Variants in WWTR1 observed in about 807,000 individuals in gnomAD.
The protein encoded by WWTR1 is WW domain containing transcription regulator 1.
A neutral mutation model predicts 40.1 loss-of-function variants in WWTR1; 13 were observed. That is an observed-to-expected ratio of 0.32 (90% CI 0.21 to 0.52). WWTR1 has a LOEUF of 0.52. WWTR1 is among the 20% of genes least tolerant of loss of function. The probability of loss-of-function intolerance (pLI) is 0.97; values close to 1 mark genes in which losing one functional copy is unlikely to be tolerated. For missense variants in WWTR1, 436 were observed against 523.1 expected, an observed-to-expected ratio of 0.83 and a Z score of 1.63; for synonymous variants, 230 against 210.1, an observed-to-expected ratio of 1.09 and a Z score of -0.82.
rs758347132 is a variant in WWTR1 at position 149,526,043 on chromosome 3, A to G, written c.988T>C (p.Phe330Leu). 1.2e-5 allele frequency: 19 copies of G among 1,606,686 alleles called. 1 individual carries two copies. The South Asian group carries it at 2.1e-4, about 18-fold the overall frequency. ...CYSVPTTPED[F>L]LSNVDEMDTG... The stretch of plus-strand genomic sequence containing the variant: ...TCCATCTCATCCACATTGCTGAGGA[A>G]GTCCTCCGGAGTTGTGGGGACACTG... Residue 330 changes from phenylalanine (F) to leucine (L), a missense_variant, in exon 6 of 7, where the codon TTC becomes CTC. By Grantham distance (22) the Phe-to-Leu change is conservative. Transcript: ENST00000360632.
intron 1 of WWTR1, among the ~76,000 whole-genome samples, chr3:149,688,496 G>C (rs541965392): frequency 2.0e-4 from 30 of 152,254 alleles, no homozygotes; most frequent in Non-Finnish European, 3.5e-4. Flanking sequence ...GTAATCCAGG[G>C]AATCCTCCCA....
chr3:149,562,489 A>G (rs973689371), intron 3 of WWTR1, among the ~76,000 whole-genome samples: 1 of 152,038 alleles, frequency 6.6e-6, no homozygotes, highest in Non-Finnish European at 1.5e-5. Flanking sequence ...GCCAATCAGC[A>G]TTTTCTACAG....
chr3:149,549,922 A>G (rs1736539893), intron 3 of WWTR1, among the ~76,000 whole-genome samples: 1 of 152,084 alleles, frequency 6.6e-6, no homozygotes, highest in Admixed American at 6.6e-5. Flanking sequence ...ACAGAAAAAG[A>G]TATTAGATAA....
intron 4 of WWTR1, among the ~76,000 whole-genome samples, chr3:149,542,016 A>G (rs1736127395): frequency 6.6e-6 from 1 of 152,188 alleles, no homozygotes; most frequent in Non-Finnish European, 1.5e-5. Flanking sequence ...AAGCAACTAC[A>G]TTTTGGGATA....
chr3:149,546,397 C>G (rs1380404109), intron 3 of WWTR1, among the ~76,000 whole-genome samples: 1 of 152,172 alleles, frequency 6.6e-6, no homozygotes, highest in African/African-American at 2.4e-5. Flanking sequence ...TAGAGAAATT[C>G]TGTATGATGA....
intron 2 of WWTR1, among the ~76,000 whole-genome samples, chr3:149,623,972 A>T (rs1367403611): frequency 6.6e-6 from 1 of 152,110 alleles, no homozygotes; most frequent in Non-Finnish European, 1.5e-5. Context: ...CCTATCTCCC[A>T]TGTGGCTTGC....
At chr3:149,684,042 C>T (rs533007525) in intron 1 of WWTR1, among the ~76,000 whole-genome samples, 35 of 152,216 alleles carry the variant, frequency 2.3e-4, no homozygotes, top group African/African-American at 8.4e-4. Flanking sequence ...ACATCCATCA[C>T]TAAGGAATTG....
intron 2 of WWTR1, among the ~76,000 whole-genome samples, chr3:149,635,524 GGAGAAGGAGAAGGAGAAA>G (rs1277764225): frequency 1.3e-5 from 2 of 151,224 alleles, no homozygotes; most frequent in African/African-American, 2.4e-5. Flanking sequence ...AGGAGGAGAA[GGAGAAGGAGAAGGAGAAA>G]GAGAAGGAGA....
At chr3:149,604,278 C>T (rs1484830099) in intron 2 of WWTR1, among the ~76,000 whole-genome samples, 2 of 152,140 alleles carry the variant, frequency 1.3e-5, no homozygotes, top group Admixed American at 6.5e-5. Flanking sequence ...TTCCCTGTGA[C>T]AGGGCCACCC....
At chr3:149,565,516 A>T (rs1403688613) in intron 3 of WWTR1, among the ~76,000 whole-genome samples, 2 of 152,164 alleles carry the variant, frequency 1.3e-5, no homozygotes, top group African/African-American at 4.8e-5. Flanking sequence ...ATATGCTATT[A>T]TGTCCTGCTT....
At chr3:149,564,107 T>C (rs780572495) in intron 3 of WWTR1, among the ~76,000 whole-genome samples, 66 of 152,286 alleles carry the variant, frequency 4.3e-4, no homozygotes, top group Non-Finnish European at 7.9e-4. Flanking sequence ...ATCAGAGTCA[T>C]CTGAGCACTC....
chr3:149,600,585 G>A (rs937389614), intron 2 of WWTR1, among the ~76,000 whole-genome samples: 1 of 152,112 alleles, frequency 6.6e-6, no homozygotes, highest in Non-Finnish European at 1.5e-5. Context: ...CATGGGCCTG[G>A]CACCTTCCTT....
chr3:149,636,989 A>AAAAAAAG (rs1553802418), intron 2 of WWTR1, among the ~76,000 whole-genome samples: 2 of 150,654 alleles, frequency 1.3e-5, no homozygotes, highest in African/African-American at 4.9e-5. Flanking sequence ...AAAAAAAAAA[A>AAAAAAAG]AGAGAGAAGT....
chr3:149,563,381 G>T (rs994965004), intron 3 of WWTR1, among the ~76,000 whole-genome samples: 11 of 152,140 alleles, frequency 7.2e-5, no homozygotes, highest in Admixed American at 3.9e-4. Context: ...AAGCAAAACT[G>T]AAGCAGACTT....
chr3:149,566,239 C>A (rs1390830944), intron 3 of WWTR1, among the ~76,000 whole-genome samples: 1 of 151,974 alleles, frequency 6.6e-6, no homozygotes, highest in South Asian at 2.1e-4. Context: ...TCAAGAAAAT[C>A]ATTTTTAAAT....
intron 2 of WWTR1, among the ~76,000 whole-genome samples, chr3:149,622,501 G>GAAA (rs60307230): frequency 0.17 from 18,459 of 106,256 alleles, 1,733 homozygotes; most frequent in Non-Finnish European, 0.24. Flanking sequence ...AAGGAAGGAA[G>GAAA]GAAGAAAGAA....
chr3:149,532,648 A>G (rs1735641416), intron 4 of WWTR1, among the ~76,000 whole-genome samples: 1 of 152,178 alleles, frequency 6.6e-6, no homozygotes, highest in Admixed American at 6.5e-5. Context: ...ACAAAACCCG[A>G]GGTCTGAAAA....
At chr3:149,690,551 A>G (rs1225281015) in intron 1 of WWTR1, among the ~76,000 whole-genome samples, 2 of 151,984 alleles carry the variant, frequency 1.3e-5, no homozygotes, top group African/African-American at 4.8e-5. Context: ...GCATCAATTC[A>G]GCAAGATAAT....
chr3:149,711,512 T>C (rs1715477766), intron 5 of WWTR1, among the ~76,000 whole-genome samples: 1 of 152,170 alleles, frequency 6.6e-6, no homozygotes, highest in Non-Finnish European at 1.5e-5. Context: ...TAAAGAACAA[T>C]CTAGCCAGCT....
Sources: gnomAD v4.1 joint callset for allele counts (sites outside exome capture counted in the v4.1 genomes callset) on GRCh38, gnomAD v4.1.1 for gene constraint, MANE v1.5 for transcripts, NCBI Gene and HGNC (gene_info 2026-07-23, HGNC 2026-07-21) for gene names.